The following CPE variants were observed in gnomAD, a reference collection of about 807,000 sequenced individuals.
CPE encodes carboxypeptidase E, also known as carbocypeptidase E.
Under a neutral mutation model 53.5 loss-of-function variants are expected in CPE, and 17 were observed. That is an observed-to-expected ratio of 0.32 (90% CI 0.22 to 0.48). The LOEUF is 0.48. Ranked by LOEUF, CPE falls within the 20% of genes least tolerant of loss-of-function variation. CPE has a pLI of 0.99. For synonymous variants in CPE, 226 were observed against 228.8 expected (o/e 0.99, Z 0.11); for missense variants, 524 against 614.7 (o/e 0.85, Z 1.56).
intron 1 of CPE, among the ~76,000 whole-genome samples, chr4:165,420,046 T>A (rs1449316624): frequency 1.3e-5 from 2 of 152,218 alleles, no homozygotes; most frequent in Non-Finnish European, 2.9e-5. Context: ...CACCTAATTT[T>A]TTTTTCACTT....
chr4:165,405,807 C>A lies in CPE; in HGVS notation c.307+26279C>A, dbSNP rs1440233456. On this transcript the variant is annotated intron_variant, in intron 1 of 8. Transcript: ENST00000402744. ...CAGGCACACCCACCATTTTGGGCAG[C>A]CTTTGTGTGCCTCCTGCTCCTGGTA... 3 of 767,106 alleles carry A rather than the reference C, an allele frequency of 3.9e-6. No homozygotes were observed. In the South Asian group the frequency reaches 4.0e-5, roughly 10 times the overall value. The allele number at this position is 767,106 out of a possible 1,614,324, so 47.5% of individuals were successfully genotyped here. A position where few individuals can be genotyped will look rare whatever the true frequency, so the allele number is the denominator to read the frequency against.
chr4:165,391,094 CA>C (rs1466657032), intron 1 of CPE, among the ~76,000 whole-genome samples: 3 of 152,064 alleles, frequency 2.0e-5, no homozygotes, highest in Non-Finnish European at 4.4e-5. Context: ...ACCTAATTTT[CA>C]GGGACATCAA....
intron 3 of CPE, among the ~76,000 whole-genome samples, chr4:165,477,955 G>T (rs1267060038): frequency 6.6e-6 from 1 of 152,100 alleles, no homozygotes; most frequent in East Asian, 1.9e-4. Context: ...TCTCTAAGTC[G>T]TTTGTCATCG....
Position 165,498,352 on chromosome 4 carries a change from G to C in CPE, c.*742G>C, listed in dbSNP as rs141635394. ...TGTATTTCAGTTCTCTAAGATTTTT[G>C]GTCTGGCATTGTGGTCTTATGATGA... On this transcript the variant is annotated 3_prime_UTR_variant, in exon 9 of 9. Coordinates refer to ENST00000402744, the MANE Select transcript of CPE (RefSeq NM_001873.4). 1 of 152,128 alleles carries C rather than the reference G, an allele frequency of 6.6e-6. No individual in the cohort carries two copies. The highest frequency in any genetic ancestry group is 1.9e-4 in the East Asian group (1 of 5,176). The allele number at this position is 152,128 out of a possible 1,614,324, so 9.4% of individuals were successfully genotyped here. A position where few individuals can be genotyped will look rare whatever the true frequency, so the allele number is the denominator to read the frequency against.
At chr4:165,487,702 G>C in intron 6 of CPE, 125 bp downstream of exon 6, 1 of 1,031,956 alleles carries the variant, frequency 9.7e-7, no homozygotes. Flanking sequence ...TATTTGGAAG[G>C]CAGGTGTCAG....
intron 1 of CPE, among the ~76,000 whole-genome samples, chr4:165,421,437 A>G (rs1349464336): frequency 6.6e-6 from 1 of 152,146 alleles, no homozygotes; most frequent in East Asian, 1.9e-4. Context: ...TGGACTTGAC[A>G]TTTGTAACTT....
rs563776776 is a variant in CPE, at chr4:165,451,528, G to A, written c.308-12862G>A. ...TTTACTTGAGACAGAGTCTCGCTCC[G>A]TTGCCCAGGCTGGAGTGCAGTGGTG... is the stretch of plus-strand genomic sequence containing the variant. On this transcript the variant is annotated intron_variant, in intron 1 of 8. Transcript: ENST00000402744. Among the ~76,000 whole-genome samples, 13 of 152,004 alleles carry A rather than the reference G, an allele frequency of 8.6e-5. No individual in the cohort carries two copies. In the South Asian group the frequency reaches 2.3e-3, roughly 27 times the overall value.
intron 1 of CPE, among the ~76,000 whole-genome samples, chr4:165,434,936 A>G (rs1731471465): frequency 6.6e-6 from 1 of 151,282 alleles, no homozygotes; most frequent in Admixed American, 6.6e-5. Context: ...TCCCCTCAAA[A>G]CCTGTTGTTA....
At chr4:165,487,907 A>C (rs1302968348) in intron 6 of CPE, among the ~76,000 whole-genome samples, 1 of 152,136 alleles carries the variant, frequency 6.6e-6, no homozygotes, top group Non-Finnish European at 1.5e-5. Flanking sequence ...CCAGAACAAA[A>C]GTAAGGCAAG....
At chr4:165,427,174 G>A (rs116454476) in intron 1 of CPE, among the ~76,000 whole-genome samples, 1,932 of 143,794 alleles carry the variant, frequency 0.013, 19 homozygotes, top group Middle Eastern at 0.026. Context: ...GTGGCTGCAG[G>A]CATGTCTTAG....
chr4:165,473,204 A>G (rs1732238937), intron 3 of CPE, among the ~76,000 whole-genome samples: 1 of 152,190 alleles, frequency 6.6e-6, no homozygotes, highest in African/African-American at 2.4e-5. Context: ...ACATGCTTGG[A>G]CTTTCTGATT....
chr4:165,396,684 G>T (rs1579242042), intron 1 of CPE, among the ~76,000 whole-genome samples: 1 of 129,420 alleles, frequency 7.7e-6, no homozygotes, highest in Non-Finnish European at 1.7e-5. Context: ...AAAAAAAAAA[G>T]ATAAGGGAGA....
chr4:165,401,773 G>A (rs1398668217), intron 1 of CPE, among the ~76,000 whole-genome samples: 1 of 152,200 alleles, frequency 6.6e-6, no homozygotes, highest in African/African-American at 2.4e-5. Context: ...CCTGGAAGCT[G>A]GACAGAGGAA....
intron 1 of CPE, among the ~76,000 whole-genome samples, chr4:165,389,840 A>G (rs1426448081): frequency 6.6e-6 from 1 of 152,218 alleles, no homozygotes; most frequent in Non-Finnish European, 1.5e-5. Context: ...CAGTTGCCAA[A>G]TTATAAAGTG....
chr4:165,399,529 A>T (rs2126660274), intron 1 of CPE, among the ~76,000 whole-genome samples: 1 of 152,132 alleles, frequency 6.6e-6, no homozygotes, highest in Non-Finnish European at 1.5e-5. Context: ...ACGCTAACAC[A>T]CCCAGCTAAT....
chr4:165,421,919 T>C (rs1731231543), intron 1 of CPE, among the ~76,000 whole-genome samples: 1 of 152,184 alleles, frequency 6.6e-6, no homozygotes, highest in Non-Finnish European at 1.5e-5. Context: ...TTAAAATAGT[T>C]TTGTAAGAAG....
At chr4:165,406,543 AT>A (rs1730957726) in intron 1 of CPE, among the ~76,000 whole-genome samples, 1 of 152,182 alleles carries the variant, frequency 6.6e-6, no homozygotes, top group South Asian at 2.1e-4. Flanking sequence ...ATATTTTAAT[AT>A]TTAATGGCTG....
chr4:165,412,442 G>A (rs774134197), intron 1 of CPE, among the ~76,000 whole-genome samples: 26 of 152,248 alleles, frequency 1.7e-4, no homozygotes, highest in Non-Finnish European at 2.5e-4. Flanking sequence ...AGACAATAAA[G>A]AAAACAGGGA....
At chr4:165,464,249 T>C (rs1181586238) in intron 1 of CPE, 141 bp from the exon 2 acceptor site, 1 of 645,392 alleles carries the variant, frequency 1.5e-6, no homozygotes, top group Non-Finnish European at 2.5e-6. Context: ...GGTATTTTAA[T>C]GTCTACGGTA....
Sources: gnomAD v4.1 joint callset for allele counts (sites outside exome capture counted in the v4.1 genomes callset) on GRCh38, gnomAD v4.1.1 for gene constraint, MANE v1.5 for transcripts, NCBI Gene and HGNC (gene_info 2026-07-23, HGNC 2026-07-21) for gene names.